Variants in DOCK1 observed in about 807,000 individuals in gnomAD.
DOCK1 encodes the protein dedicator of cytokinesis protein 1.
Under a neutral mutation model 262.7 loss-of-function variants are expected in DOCK1, and 138 were observed. The ratio of observed to expected loss-of-function variants is 0.53; its 90% CI spans 0.46 to 0.61. The LOEUF is 0.61. Ranked by LOEUF, DOCK1 falls within the 20% of genes least tolerant of loss-of-function variation. The pLI is 0.00. For synonymous variants in DOCK1, 866 were observed against 867.4 expected (o/e 1.00, Z 0.03); for missense variants, 1,908 against 2,370.7 (o/e 0.80, Z 4.05).
intron 46 of DOCK1, among the ~76,000 whole-genome samples, chr10:127,425,303 T>C (rs985507125): frequency 6.6e-6 from 1 of 152,132 alleles, no homozygotes; most frequent in African/African-American, 2.4e-5. Context: ...TCTTAGAACG[T>C]TTTTAAAGGT....
At chr10:126,935,245 C>G (rs1174225199) in intron 1 of DOCK1, among the ~76,000 whole-genome samples, 4 of 152,232 alleles carry the variant, frequency 2.6e-5, no homozygotes, top group African/African-American at 9.6e-5. Context: ...GGAAGAACAG[C>G]TGTAAATATT....
intron 5 of DOCK1, chr10:126,988,102 A>G (rs2066158): frequency 0.25 from 38,302 of 152,088 alleles, 5,142 homozygotes; most frequent in South Asian, 0.38. Context: ...TTGTGACAGG[A>G]ATAGGGAAAT....
Position 127,147,740 on chromosome 10 carries a change from C to T in DOCK1, c.2847+19976C>T, listed in dbSNP as rs188108689. ...TTATCAAAGTGGTTGTTTAAAATTC[C>T]ACCTGTCCTTGTCTGGGCACGGTGG... On this transcript the variant is annotated intron_variant, in intron 27 of 51. Transcript: ENST00000623213. 3.3e-5 allele frequency among the ~76,000 whole-genome samples: 5 copies of T among 152,146 alleles called. No homozygotes were observed. The East Asian group carries it at 7.8e-4, about 24-fold the overall frequency.
intron 38 of DOCK1, among the ~76,000 whole-genome samples, chr10:127,386,882 A>C (rs1205153697): frequency 6.6e-6 from 1 of 152,158 alleles, no homozygotes; most frequent in African/African-American, 2.4e-5. Context: ...TGGAATGAGA[A>C]GCTTTGAGGA....
intron 40 of DOCK1, 102 bp downstream of exon 40, chr10:127,404,531 C>T (rs184200837): frequency 4.6e-6 from 5 of 1,085,288 alleles, no homozygotes; most frequent in East Asian, 2.6e-5. Context: ...CGCGTGGGAT[C>T]GTGCAACTCT....
intron 29 of DOCK1, among the ~76,000 whole-genome samples, chr10:127,291,611 A>G (rs187024040): frequency 6.6e-6 from 1 of 152,108 alleles, no homozygotes; most frequent in Admixed American, 6.6e-5. Context: ...AGGGAAGGAG[A>G]GTTGCTCACG....
At chr10:127,026,520 C>G in intron 16 of DOCK1, 96 bp downstream of exon 16, 1 of 1,126,594 alleles carries the variant, frequency 8.9e-7, no homozygotes, top group Admixed American at 2.1e-5. Flanking sequence ...AACTCGCTAT[C>G]ATAACACAAT....
intron 27 of DOCK1, among the ~76,000 whole-genome samples, chr10:127,216,717 A>G (rs561351861): frequency 6.6e-6 from 1 of 152,330 alleles, no homozygotes; most frequent in South Asian, 2.1e-4. Context: ...GCATATCTCA[A>G]AGTACCCTTT....
chr10:127,113,694 G>A (rs1047819709), intron 25 of DOCK1, among the ~76,000 whole-genome samples: 7 of 152,154 alleles, frequency 4.6e-5, no homozygotes, highest in African/African-American at 1.4e-4. Context: ...TAGGAGGCAC[G>A]TCTTTGGGCT....
At chr10:127,115,800 T>C (rs576162731) in intron 25 of DOCK1, among the ~76,000 whole-genome samples, 1 of 152,346 alleles carries the variant, frequency 6.6e-6, no homozygotes, top group South Asian at 2.1e-4. Context: ...GAACATGTTC[T>C]CTCACCCACT....
chr10:127,341,064 T>C (rs1208333177), intron 30 of DOCK1, among the ~76,000 whole-genome samples: 2 of 152,242 alleles, frequency 1.3e-5, no homozygotes, highest in African/African-American at 4.8e-5. Context: ...TTGTGTTAGT[T>C]AGGATCTGCT....
chr10:127,366,250 T>TA (rs1417345147), intron 33 of DOCK1, among the ~76,000 whole-genome samples: 3 of 151,978 alleles, frequency 2.0e-5, no homozygotes, highest in Admixed American at 6.6e-5. Flanking sequence ...ACCCTTGTTT[T>TA]AAAAAAATCC....
intron 4 of DOCK1, among the ~76,000 whole-genome samples, chr10:126,987,146 A>G (rs2039461291): frequency 6.6e-6 from 1 of 152,190 alleles, no homozygotes; most frequent in Non-Finnish European, 1.5e-5. Flanking sequence ...TTAATGCCAC[A>G]TGGACCGGCT....
intron 11 of DOCK1, among the ~76,000 whole-genome samples, 177 bp downstream of exon 11, chr10:127,008,981 C>T (rs371110999): frequency 2.0e-5 from 3 of 152,072 alleles, no homozygotes; most frequent in African/African-American, 7.2e-5. Context: ...CATAAGAATC[C>T]TGGGTCAAAG....
intron 29 of DOCK1, among the ~76,000 whole-genome samples, chr10:127,283,916 T>C (rs181156938): frequency 9.8e-5 from 15 of 152,376 alleles, no homozygotes; most frequent in South Asian, 2.1e-4. Context: ...TTACTGGGGC[T>C]CGATACACAT....
rs7918450 is a variant in DOCK1, at chr10:127,101,235, G to A, written c.2446-4996G>A. ...AGGAGGTGGTGACATGAGATGGGAG[G>A]GGTGGGGGTCAGGCTTGAGAAGAGC... On this transcript the variant is annotated intron_variant, in intron 23 of 51. Coordinates refer to ENST00000623213, the MANE Select transcript of DOCK1 (RefSeq NM_001290223.2). Among the ~76,000 whole-genome samples, 6 of 152,140 alleles carry A rather than the reference G, an allele frequency of 3.9e-5. No homozygotes were observed. In the South Asian group the frequency reaches 1.0e-3, roughly 26 times the overall value.
Position 127,447,508 on chromosome 10 carries a change from G to A in DOCK1, c.5528G>A (p.Gly1843Asp), listed in dbSNP as rs2070657977. 1 of 1,613,884 alleles carries A rather than the reference G, an allele frequency of 6.2e-7. No homozygotes were observed. The highest frequency in any genetic ancestry group is 1.3e-5 in the African/African-American group (1 of 75,054). The change falls in exon 51 of 52, where the codon GGC becomes GAC. Residue 1843 changes from glycine to aspartate, a missense_variant. Physicochemically the swap from Gly to Asp is moderately conservative, Grantham distance 94. Coordinates refer to ENST00000623213, the MANE Select transcript of DOCK1 (RefSeq NM_001290223.2). ...TTGATGGAAAACCAGGACTTGCTGG[G>A]CTCGCCAACACCTCCACCTCCCCCT... ...GNLMENQDLL[G>D]SPTPPPPPPH... is the part of the protein sequence containing the mutation.
At chr10:127,448,602 G>A (rs2070747480) in intron 51 of DOCK1, among the ~76,000 whole-genome samples, 1 of 152,170 alleles carries the variant, frequency 6.6e-6, no homozygotes, top group Admixed American at 6.5e-5. Flanking sequence ...GCCTCCCCAG[G>A]CCATGTTATT....
intron 46 of DOCK1, among the ~76,000 whole-genome samples, chr10:127,425,658 C>T (rs935692723): frequency 6.6e-6 from 1 of 152,084 alleles, no homozygotes; most frequent in African/African-American, 2.4e-5. Flanking sequence ...TGGTGTAGGG[C>T]GCACCACACT....
Sources: gnomAD v4.1 joint callset for allele counts (sites outside exome capture counted in the v4.1 genomes callset) on GRCh38, gnomAD v4.1.1 for gene constraint, MANE v1.5 for transcripts, NCBI Gene and HGNC (gene_info 2026-07-23, HGNC 2026-07-21) for gene names.